Variants in SHLD1 observed in about 807,000 individuals in gnomAD.
The protein encoded by SHLD1 is shieldin complex subunit 1, also known as RINN1-REV7-interacting novel NHEJ regulator 3.
A neutral mutation model predicts 5.5 loss-of-function variants in SHLD1; 3 were observed. That is an observed-to-expected ratio of 0.54 (90% CI 0.25 to 1.40). SHLD1 has a LOEUF of 1.40. Among genes scored for constraint, SHLD1 ranks in the 40% most tolerant of loss-of-function variants. The probability of loss-of-function intolerance (pLI) is 0.15; values close to 1 mark genes in which losing one functional copy is unlikely to be tolerated. For missense variants in SHLD1, 210 were observed against 244.4 expected, an observed-to-expected ratio of 0.86 and a Z score of 0.94; for synonymous variants, 92 against 94.3, an observed-to-expected ratio of 0.98 and a Z score of 0.14.
intron 2 of SHLD1, among the ~76,000 whole-genome samples, chr20:5,837,566 T>C (rs2087805597): frequency 6.6e-6 from 1 of 151,862 alleles, no homozygotes; most frequent in Admixed American, 6.6e-5. Flanking sequence ...ACATGCGGTG[T>C]TTGGTTTTCT....
At chr20:5,787,383 T>TG (rs2087074472) in intron 2 of SHLD1, among the ~76,000 whole-genome samples, 1 of 152,270 alleles carries the variant, frequency 6.6e-6, no homozygotes, top group Non-Finnish European at 1.5e-5. Context: ...TCTTTGCCCT[T>TG]GAAGTTGCTG....
intron 2 of SHLD1, among the ~76,000 whole-genome samples, chr20:5,807,097 C>T (rs897720920): frequency 2.6e-5 from 4 of 152,180 alleles, no homozygotes; most frequent in Non-Finnish European, 4.4e-5. Flanking sequence ...TTGCCTGGTA[C>T]GCCTCTCTTG....
chr20:5,754,837 C>A (rs974425259), intron 1 of SHLD1, among the ~76,000 whole-genome samples: 2 of 152,072 alleles, frequency 1.3e-5, no homozygotes, highest in East Asian at 3.9e-4. Context: ...GGGCGGATCA[C>A]CTGAGGTCAA....
chr20:5,767,205 C>A (rs1984886325), intron 1 of SHLD1, among the ~76,000 whole-genome samples: 1 of 152,092 alleles, frequency 6.6e-6, no homozygotes, highest in African/African-American at 2.4e-5. Context: ...CACAATCTCG[C>A]ATCACTGTAT....
intron 2 of SHLD1, among the ~76,000 whole-genome samples, chr20:5,839,864 T>G (rs1254206182): frequency 6.6e-6 from 1 of 152,244 alleles, no homozygotes; most frequent in African/African-American, 2.4e-5. Context: ...AGCCTGGGAA[T>G]GGATGTCTCC....
intron 2 of SHLD1, among the ~76,000 whole-genome samples, chr20:5,796,306 G>A (rs968509706): frequency 2.6e-5 from 4 of 151,588 alleles, no homozygotes; most frequent in African/African-American, 7.3e-5. Context: ...TGAACTATTG[G>A]TCATAGTTAT....
chr20:5,765,632 AG>A (rs1221305542), intron 1 of SHLD1, among the ~76,000 whole-genome samples: 1 of 152,138 alleles, frequency 6.6e-6, no homozygotes, highest in African/African-American at 2.4e-5. Flanking sequence ...TTTGGGACAA[AG>A]GATAATAATT....
chr20:5,860,181 C>T (rs1217254905), intron 2 of SHLD1, among the ~76,000 whole-genome samples: 1 of 152,008 alleles, frequency 6.6e-6, no homozygotes, highest in South Asian at 2.1e-4. Flanking sequence ...TTCATCCTGC[C>T]ATCACGGGAC....
At chr20:5,795,523 C>T (rs1260046709) in intron 2 of SHLD1, among the ~76,000 whole-genome samples, 18 of 146,386 alleles carry the variant, frequency 1.2e-4, no homozygotes, top group South Asian at 2.2e-4. Flanking sequence ...TGCTTGAACC[C>T]GGGAGGCAGA....
intron 2 of SHLD1, among the ~76,000 whole-genome samples, chr20:5,834,664 G>T (rs1364904811): frequency 6.6e-6 from 1 of 152,158 alleles, no homozygotes; most frequent in African/African-American, 2.4e-5. Context: ...AAGGTCTTTG[G>T]TAAAGATCTG....
At chr20:5,805,062 T>C (rs1180291710) in intron 2 of SHLD1, among the ~76,000 whole-genome samples, 2 of 152,234 alleles carry the variant, frequency 1.3e-5, no homozygotes, top group Non-Finnish European at 2.9e-5. Context: ...CTAGGAGGGT[T>C]GTGCCTTCAT....
At chr20:5,818,633 G>A (rs2087568537) in intron 2 of SHLD1, among the ~76,000 whole-genome samples, 2 of 152,212 alleles carry the variant, frequency 1.3e-5, no homozygotes, top group African/African-American at 4.8e-5. Context: ...GGAGATAGGA[G>A]GAAATGCTCA....
At position 5,755,645 on chromosome 20, in the gene SHLD1, C is replaced by T. The variant is rs190105706; in HGVS notation, c.-5+5166C>T. On this transcript the variant is annotated intron_variant, in intron 1 of 2. Coordinates refer to ENST00000303142, the MANE Select transcript of SHLD1 (RefSeq NM_152504.4). Reference sequence around the variant, plus strand: ...TGTCATCTAGGCTCACCACAACCTCCGCCTCCCAGGTTCAAGCGGTTCTCC... The same window carrying T: ...TGTCATCTAGGCTCACCACAACCTCTGCCTCCCAGGTTCAAGCGGTTCTCC... Among the ~76,000 whole-genome samples, 872 of 152,082 alleles carry T rather than the reference C, an allele frequency of 5.7e-3. 3 individuals are homozygous for T. The highest frequency in any genetic ancestry group is 9.3e-3 in the Non-Finnish European group (630 of 67,982).
intron 2 of SHLD1, among the ~76,000 whole-genome samples, chr20:5,851,821 G>A (rs868384191): frequency 6.6e-6 from 1 of 151,398 alleles, no homozygotes; most frequent in Non-Finnish European, 1.5e-5. Context: ...TGGCGGGGGG[G>A]CATTTTTAAA....
intron 2 of SHLD1, among the ~76,000 whole-genome samples, chr20:5,818,393 A>G (rs577710171): frequency 3.9e-5 from 6 of 152,284 alleles, no homozygotes; most frequent in African/African-American, 1.4e-4. Context: ...CCAGTTTTAT[A>G]GCCATTTATA....
intron 2 of SHLD1, among the ~76,000 whole-genome samples, chr20:5,832,088 G>A (rs1455312607): frequency 2.6e-5 from 4 of 152,190 alleles, no homozygotes; most frequent in South Asian, 2.1e-4. Flanking sequence ...TTACAAGCGC[G>A]CACCACTGCG....
At chr20:5,832,331 G>A (rs185004677) in intron 2 of SHLD1, among the ~76,000 whole-genome samples, 3 of 152,318 alleles carry the variant, frequency 2.0e-5, no homozygotes, top group Admixed American at 1.3e-4. Context: ...GGAACTGCAC[G>A]TGTTGCCACT....
At chr20:5,763,131 A>AC (rs1461491440) in intron 1 of SHLD1, among the ~76,000 whole-genome samples, 1 of 151,316 alleles carries the variant, frequency 6.6e-6, no homozygotes, top group African/African-American at 2.4e-5. Context: ...ACACGCAGAA[A>AC]CCCCGTCTCT....
intron 1 of SHLD1, chr20:5,771,744 A>G (rs1456031579): frequency 5.2e-6 from 1 of 191,848 alleles, no homozygotes; most frequent in African/African-American, 2.4e-5. Context: ...CAGCAAGACT[A>G]ACATGAATTT....
Sources: allele counts gnomAD v4.1 joint callset (sites outside exome capture counted in the v4.1 genomes callset), GRCh38; gene constraint gnomAD v4.1.1; transcripts MANE v1.5; gene names NCBI Gene and HGNC (gene_info 2026-07-23, HGNC 2026-07-21).